CABCOCO1: variants seen among roughly 807,000 people sequenced by gnomAD.
CABCOCO1 encodes ciliary-associated calcium-binding coiled-coil protein 1.
Under a neutral mutation model 35.7 loss-of-function variants are expected in CABCOCO1, and 28 were observed. That is an observed-to-expected ratio of 0.78 (90% CI 0.58 to 1.07). CABCOCO1 has a LOEUF of 1.07. CABCOCO1 is among the 50% of genes least tolerant of loss of function. The probability of loss-of-function intolerance (pLI) is 0.00; values close to 1 mark genes in which losing one functional copy is unlikely to be tolerated. For synonymous variants in CABCOCO1, 95 were observed against 100.1 expected, an observed-to-expected ratio of 0.95 and a Z score of 0.30; for missense variants, 326 against 309.2, an observed-to-expected ratio of 1.05 and a Z score of -0.41.
At chr10:61,680,954 G>T (rs1839772596) in intron 2 of CABCOCO1, among the ~76,000 whole-genome samples, 189 bp from the exon 3 acceptor site, 1 of 151,190 alleles carries the variant, frequency 6.6e-6, no homozygotes, top group East Asian at 1.9e-4. Flanking sequence ...AATAGAGTTT[G>T]CTCCCCCATC....
intron 5 of CABCOCO1, among the ~76,000 whole-genome samples, chr10:61,748,666 G>A (rs1049202174): frequency 1.3e-5 from 2 of 152,196 alleles, no homozygotes; most frequent in African/African-American, 2.4e-5. Context: ...AGATGATACA[G>A]CTTTTTTGGT....
At chr10:61,728,062 T>A (rs1056966145) in intron 5 of CABCOCO1, among the ~76,000 whole-genome samples, 3 of 152,222 alleles carry the variant, frequency 2.0e-5, no homozygotes, top group African/African-American at 4.8e-5. Flanking sequence ...TATTTTTAGA[T>A]ATAATTTCAA....
intron 5 of CABCOCO1, among the ~76,000 whole-genome samples, chr10:61,736,906 T>C (rs1357314186): frequency 6.6e-6 from 1 of 152,146 alleles, no homozygotes; most frequent in Non-Finnish European, 1.5e-5. Flanking sequence ...TTTGTGGCTG[T>C]TGTGAATGGG....
At chr10:61,684,963 A>G (rs1040356916) in intron 3 of CABCOCO1, 1 of 152,238 alleles carries the variant, frequency 6.6e-6, no homozygotes, top group African/African-American at 2.4e-5. Context: ...CAACTGACAA[A>G]TGCCACAGAA....
At chr10:61,713,052 GGTAGTT>G (rs1840771341) in intron 5 of CABCOCO1, among the ~76,000 whole-genome samples, 4 of 152,202 alleles carry the variant, frequency 2.6e-5, no homozygotes, top group African/African-American at 9.6e-5. Flanking sequence ...GAAAGTCATT[GGTAGTT>G]TGATGGGGAT....
chr10:61,697,627 CT>C lies in CABCOCO1; in HGVS notation c.552+7007del, dbSNP rs552051890. The stretch of plus-strand genomic sequence containing the variant: ...AGGATGTGAAAAGGGACATTTTATT[CT>C]GTATATTTCAGATTTAATGTTAGTC... On this transcript the variant is annotated intron_variant, in intron 5 of 7. Transcript: ENST00000648843. Among the ~76,000 whole-genome samples, 40 of 152,060 alleles carry C rather than the reference CT, an allele frequency of 2.6e-4. No individual in the cohort carries two copies. The East Asian group carries it at 7.5e-3, about 29-fold the overall frequency.
At chr10:61,709,926 A>T (rs1840686908) in intron 5 of CABCOCO1, among the ~76,000 whole-genome samples, 1 of 152,066 alleles carries the variant, frequency 6.6e-6, no homozygotes. Flanking sequence ...CCATTCCAAA[A>T]CTATAAAATG....
chr10:61,667,280 A>C (rs1839216972), intron 1 of CABCOCO1, among the ~76,000 whole-genome samples: 1 of 150,016 alleles, frequency 6.7e-6, no homozygotes, highest in South Asian at 2.1e-4. Context: ...TATCTCTACA[A>C]AATAAGTCTT....
intron 1 of CABCOCO1, among the ~76,000 whole-genome samples, chr10:61,666,896 T>C (rs1331727691): frequency 6.9e-6 from 1 of 144,900 alleles, no homozygotes; most frequent in Non-Finnish European, 1.5e-5. Context: ...TATGTGTGTA[T>C]ATTATATATT....
intron 5 of CABCOCO1, among the ~76,000 whole-genome samples, chr10:61,724,098 G>A (rs899552101): frequency 1.3e-5 from 2 of 152,042 alleles, no homozygotes; most frequent in African/African-American, 2.4e-5. Flanking sequence ...AGATAGCTAT[G>A]AAAATCCCAA....
Position 61,680,653 on chromosome 10 carries a change from T to A in CABCOCO1, c.165-490T>A, listed in dbSNP as rs1446150903. Reference sequence around the variant, plus strand: ...CATGTTATACATATATAATATATATTATGTTATACATGTATAACATATATG... The same window carrying A: ...CATGTTATACATATATAATATATATAATGTTATACATGTATAACATATATG... On this transcript the variant is annotated intron_variant, in intron 2 of 7. Coordinates refer to ENST00000648843, the MANE Select transcript of CABCOCO1 (RefSeq NM_001366906.2). Among the ~76,000 whole-genome samples the A allele has an allele frequency of 4.5e-4, 11 of 24,184 alleles. 1 individual carries two copies. Among genetic ancestry groups the A allele is most frequent in the Non-Finnish European group, 9.7e-4 (9 of 9,266 alleles). 15.9% of individuals were successfully genotyped at this position (24,184 alleles called of 152,430 possible). A position where few individuals can be genotyped will look rare whatever the true frequency, so the allele number is the denominator to read the frequency against.
chr10:61,715,711 GT>G (rs1278593967), intron 5 of CABCOCO1, among the ~76,000 whole-genome samples: 9 of 152,262 alleles, frequency 5.9e-5, no homozygotes, highest in African/African-American at 2.2e-4. Context: ...AGGCCTAGTG[GT>G]GACAAAATCT....
chr10:61,684,716 T>C (rs1839902663), intron 3 of CABCOCO1, among the ~76,000 whole-genome samples: 3 of 152,152 alleles, frequency 2.0e-5, no homozygotes, highest in Admixed American at 6.5e-5. Flanking sequence ...CCACCTCCAG[T>C]ATCCTCTGTC....
chr10:61,710,253 A>AGTGTGTGT (rs55784501), intron 5 of CABCOCO1, among the ~76,000 whole-genome samples: 2 of 146,556 alleles, frequency 1.4e-5, no homozygotes, highest in Non-Finnish European at 3.0e-5. Flanking sequence ...TGTGTGTGTG[A>AGTGTGTGT]GTGTGTGTGT....
intron 5 of CABCOCO1, chr10:61,701,919 A>G (rs1200919764): frequency 1.6e-6 from 1 of 609,484 alleles, no homozygotes; most frequent in Non-Finnish European, 2.1e-6. Context: ...CAGATGGCAA[A>G]CCAAAGATCG....
In CABCOCO1 at chr10:61,766,392, T is replaced by A. The variant is rs1287142417; in HGVS notation, c.*379T>A. The A allele has an allele frequency of 6.3e-6, 1 of 158,130 alleles. No individual in the cohort carries two copies. Among genetic ancestry groups the A allele is most frequent in the Non-Finnish European group, 1.4e-5 (1 of 71,774 alleles). 9.8% of individuals were successfully genotyped at this position (158,130 alleles called of 1,614,324 possible). A position where few individuals can be genotyped will look rare whatever the true frequency, so the allele number is the denominator to read the frequency against. On this transcript the variant is annotated 3_prime_UTR_variant, in exon 8 of 8. Coordinates refer to ENST00000648843, the MANE Select transcript of CABCOCO1 (RefSeq NM_001366906.2). ...ATAAAGAAAGATGATAATAACTTCA[T>A]CCATTTTGACCCAAACGGACTGCCA... is the stretch of plus-strand genomic sequence containing the variant.
chr10:61,683,720 C>G (rs1839869894), intron 3 of CABCOCO1, among the ~76,000 whole-genome samples: 1 of 152,076 alleles, frequency 6.6e-6, no homozygotes, highest in Non-Finnish European at 1.5e-5. Context: ...GAAGCTTTTA[C>G]TATTTGAGTG....
At chr10:61,747,386 T>A (rs779400394) in intron 5 of CABCOCO1, among the ~76,000 whole-genome samples, 2 of 152,198 alleles carry the variant, frequency 1.3e-5, no homozygotes, top group Non-Finnish European at 2.9e-5. Context: ...TTTGATAGTC[T>A]ATCTGTTCTT....
intron 5 of CABCOCO1, among the ~76,000 whole-genome samples, chr10:61,732,807 A>T (rs1245207432): frequency 2.6e-5 from 4 of 152,088 alleles, no homozygotes; most frequent in African/African-American, 9.7e-5. Context: ...TATTGATTTT[A>T]AAAACTCTAG....
Sources: gnomAD v4.1 joint callset for allele counts (sites outside exome capture counted in the v4.1 genomes callset) on GRCh38, gnomAD v4.1.1 for gene constraint, MANE v1.5 for transcripts, NCBI Gene and HGNC (gene_info 2026-07-23, HGNC 2026-07-21) for gene names.